CHGA: variants seen among roughly 807,000 people sequenced by gnomAD.
CHGA encodes chromogranin A, also known as chromogranin-A.
A neutral mutation model predicts 54.4 loss-of-function variants in CHGA; 41 were observed. The ratio of observed to expected loss-of-function variants is 0.75; its 90% CI spans 0.59 to 0.98. CHGA has a LOEUF of 0.98. Ranked by LOEUF, CHGA falls within the 50% of genes least tolerant of loss-of-function variation. The pLI, the probability that CHGA is intolerant of heterozygous loss-of-function variation, is 0.00. For missense variants in CHGA, 576 were observed against 582.3 expected (o/e 0.99, Z 0.11); for synonymous variants, 249 against 232.8 (o/e 1.07, Z -0.63).
Position 92,932,355 on chromosome 14 carries a change from C to T in CHGA, c.809-15C>T, listed in dbSNP as rs200580684. 6.4e-6 allele frequency: 10 copies of T among 1,565,794 alleles called. No homozygotes were observed. The highest frequency in any genetic ancestry group is 8.7e-6 in the Non-Finnish European group (10 of 1,155,368). On this transcript the variant is annotated splice_polypyrimidine_tract_variant and intron_variant, in intron 6 of 7. Transcript: ENST00000216492. The surrounding 1 kb of genome is among the most constrained non-coding windows in gnomAD (Gnocchi z 5.3). ...CCCCACCCATTCTCCTGCTCTTGCCCACCACCTGCTCCAGGTCGGTCGGAG... is the reference window on the plus strand; with the variant it reads ...CCCCACCCATTCTCCTGCTCTTGCCTACCACCTGCTCCAGGTCGGTCGGAG...
At chr14:92,925,720 A>C (rs1175559521) in intron 2 of CHGA, among the ~76,000 whole-genome samples, 1 of 151,812 alleles carries the variant, frequency 6.6e-6, no homozygotes, top group Non-Finnish European at 1.5e-5. Context: ...GCGTGCTGAC[A>C]CTCCATGCTT....
In CHGA at chr14:92,932,231, A is replaced by G. The variant is rs1339526945; in HGVS notation, c.809-139A>G. 8.2e-7 allele frequency: 1 copy of G among 1,222,048 alleles called. No homozygotes were observed. The allele number at this position is 1,222,048 out of a possible 1,614,324, so 75.7% of individuals were successfully genotyped here. ...GAGGGTCTTGCAAAGCCTGGCATCA[A>G]GAAGGTTTTTCCCGCTAAGCGTCAT... is the stretch of plus-strand genomic sequence containing the variant. On this transcript the variant is annotated intron_variant, in intron 6 of 7. Coordinates refer to ENST00000216492, the MANE Select transcript of CHGA (RefSeq NM_001275.4). This position sits in a 1 kb window ranked among gnomAD's most constrained non-coding sequence, Gnocchi z 5.3.
chr14:92,927,679 C>T, intron 4 of CHGA, 61 bp downstream of exon 4: 2 of 1,347,896 alleles, frequency 1.5e-6, no homozygotes, highest in South Asian at 2.4e-5. Context: ...GTCAGAAAAT[C>T]TGGTGGAAGA....
In CHGA at chr14:92,935,051, C is replaced by T; in HGVS notation, c.*167C>T. ...CGCCCCCTACGCGCCTTGTCTCCTA[C>T]TCCTGACTCCTACCTGCCCTGGAAC... On this transcript the variant is annotated 3_prime_UTR_variant, in exon 8 of 8. Transcript: ENST00000216492. The T allele has an allele frequency of 1.8e-6, 1 of 555,844 alleles. No individual in the cohort carries two copies. Among genetic ancestry groups the T allele is most frequent in the South Asian group, 2.6e-5 (1 of 38,950 alleles). 34.4% of individuals were successfully genotyped at this position (555,844 alleles called of 1,614,324 possible).
At chr14:92,933,423 C>T (rs1239074584) in intron 7 of CHGA, among the ~76,000 whole-genome samples, 1 of 152,198 alleles carries the variant, frequency 6.6e-6, no homozygotes, top group Non-Finnish European at 1.5e-5. Context: ...GTCTCCTCTG[C>T]CCACGTCATT....
At chr14:92,923,501 T>C (rs1042203726) in intron 1 of CHGA, 96 bp downstream of exon 1, 1 of 1,079,200 alleles carries the variant, frequency 9.3e-7, no homozygotes, top group Non-Finnish European at 1.2e-6. Flanking sequence ...CCCTCCACAC[T>C]TCCCTTCGGG....
Position 92,931,492 on chromosome 14 carries a change from G to A in CHGA, c.598G>A (p.Glu200Lys), listed in dbSNP as rs768439126. ...CCAGAAATACCCAGGCCCACAGGCC[G>A]AGGGGGACAGTGAGGGCCTCTCTCA... ...PSQKYPGPQA[E>K]GDSEGLSQGL... The change falls in exon 6 of 8, where the codon GAG (glutamate) becomes AAG (lysine). Residue 200 changes from glutamate (E) to lysine (K), a missense_variant. Transcript: ENST00000216492. The A allele has an allele frequency of 5.6e-6, 9 of 1,612,194 alleles. No individual in the cohort carries two copies. Among genetic ancestry groups the A allele is most frequent in the African/African-American group, 1.3e-5 (1 of 74,872 alleles).
intron 3 of CHGA, 85 bp from the exon 4 acceptor site, chr14:92,927,465 C>T (rs890046325): frequency 1.6e-5 from 19 of 1,156,450 alleles, no homozygotes; most frequent in Non-Finnish European, 2.3e-5. Context: ...GAGTAAATTC[C>T]TTGTGCTCAG....
Position 92,932,608 on chromosome 14 carries a change from C to T in CHGA, c.1047C>T (p.Ala349=). Residue 349 remains alanine, a synonymous_variant, in exon 7 of 8, where the codon GCC becomes GCT. Coordinates refer to ENST00000216492, the MANE Select transcript of CHGA (RefSeq NM_001275.4). This position sits in a 1 kb window ranked among gnomAD's most constrained non-coding sequence, Gnocchi z 5.3. ...SKRWSKMDQL[A]KELTAEKRLE... is the part of the protein sequence containing the mutation. ...GCTGGAGCAAGATGGACCAGCTGGC[C>T]AAGGAGCTGACGGCTGAGAAGCGGC... is the stretch of plus-strand genomic sequence containing the variant. 2 of 1,581,248 alleles carry T rather than the reference C, an allele frequency of 1.3e-6. No individual in the cohort carries two copies. Among genetic ancestry groups the T allele is most frequent in the Middle Eastern group, 1.7e-4 (1 of 5,888 alleles).
Position 92,932,696 on chromosome 14 carries a change from C to T in CHGA, c.1135C>T (p.Arg379Trp), listed in dbSNP as rs776249486. 9 of 1,610,604 alleles carry T rather than the reference C, an allele frequency of 5.6e-6. No individual in the cohort carries two copies. The highest frequency in any genetic ancestry group is 4.5e-5 in the East Asian group (2 of 44,834). Residue 379 changes from arginine (R) to tryptophan (W), a missense_variant, in exon 7 of 8, where the codon CGG becomes TGG. Coordinates refer to ENST00000216492, the MANE Select transcript of CHGA (RefSeq NM_001275.4). The surrounding 1 kb of genome is among the most constrained non-coding windows in gnomAD (Gnocchi z 5.3). ...DSSMKLSFRARAYGFRGPGPQ... is the reference protein window; with the variant it reads ...DSSMKLSFRAWAYGFRGPGPQ... ...TTCCATGAAGCTCTCCTTCCGGGCCCGGGCCTACGGCTTCAGGGGCCCTGG... is the reference window on the plus strand; with the variant it reads ...TTCCATGAAGCTCTCCTTCCGGGCCTGGGCCTACGGCTTCAGGGGCCCTGG...
Position 92,933,031 on chromosome 14 carries a change from C to G in CHGA, c.1290+180C>G, listed in dbSNP as rs1595062914. 11 of 922,938 alleles carry G rather than the reference C, an allele frequency of 1.2e-5. No individual in the cohort carries two copies. The East Asian group carries it at 3.1e-4, about 26-fold the overall frequency. 57.2% of individuals were successfully genotyped at this position (922,938 alleles called of 1,614,324 possible). A position where few individuals can be genotyped will look rare whatever the true frequency, so the allele number is the denominator to read the frequency against. ...GGAGAACACCCCAGCTCACAGGGGG[C>G]ACCCAGCAAAGCTGGCTGGGAGATG... On this transcript the variant is annotated intron_variant, in intron 7 of 7. Transcript: ENST00000216492.
Position 92,932,795 on chromosome 14 carries a change from C to A in CHGA, c.1234C>A (p.Arg412=). ...TGAGGCGGGCCTGCCCCTCCAGGTC[C>A]GAGGCTACCCCGAGGAGAAGAAAGA... ...SLEAGLPLQV[R]GYPEEKKEEE... The change falls in exon 7 of 8, where the codon CGA becomes AGA. Residue 412 remains arginine, a synonymous_variant. Transcript: ENST00000216492. The surrounding 1 kb of genome is among the most constrained non-coding windows in gnomAD (Gnocchi z 5.3). 1 of 1,568,492 alleles carries A rather than the reference C, an allele frequency of 6.4e-7. No homozygotes were observed. Among genetic ancestry groups the A allele is most frequent in the Non-Finnish European group, 8.6e-7 (1 of 1,156,438 alleles).
chr14:92,923,899 C>T (rs1273573613), intron 1 of CHGA, among the ~76,000 whole-genome samples: 2 of 152,238 alleles, frequency 1.3e-5, no homozygotes, highest in East Asian at 1.9e-4. Context: ...TGTCTCCCAC[C>T]CGTCCCACTG....
At position 92,931,501 on chromosome 14, in the gene CHGA, A is replaced by C; in HGVS notation, c.607A>C (p.Ser203Arg). The change falls in exon 6 of 8, where the codon AGT (serine) becomes CGT (arginine). Residue 203 changes from serine to arginine, a missense_variant. Ser to Arg is a moderately radical substitution (Grantham distance 110). Transcript: ENST00000216492. Reference protein sequence around the residue: ...KYPGPQAEGDSEGLSQGLVDR... With the variant: ...KYPGPQAEGDREGLSQGLVDR... ...CCCAGGCCCACAGGCCGAGGGGGAC[A>C]GTGAGGGCCTCTCTCAGGGTCTGGT... The C allele has an allele frequency of 3.1e-6, 5 of 1,612,472 alleles. No individual in the cohort carries two copies. The highest frequency in any genetic ancestry group is 4.2e-6 in the Non-Finnish European group (5 of 1,179,672).
chr14:92,926,839 G>A (rs569797924), intron 3 of CHGA, 141 bp downstream of exon 3: 9 of 723,706 alleles, frequency 1.2e-5, no homozygotes, highest in Admixed American at 2.1e-5. Flanking sequence ...CACTGCACCA[G>A]GGTCCAAGGT....
In CHGA at chr14:92,927,580, A is replaced by G. The variant is rs767402828; in HGVS notation, c.218A>G (p.Gln73Arg). The G allele has an allele frequency of 6.2e-7, 1 of 1,613,914 alleles. No individual in the cohort carries two copies. Among genetic ancestry groups the G allele is most frequent in the South Asian group, 1.1e-5 (1 of 91,030 alleles). The change falls in exon 4 of 8, where the codon CAG becomes CGG. Residue 73 changes from glutamine (Q) to arginine (R), a missense_variant. By Grantham distance (43) the Gln-to-Arg change is conservative. Coordinates refer to ENST00000216492, the MANE Select transcript of CHGA (RefSeq NM_001275.4). ...CGGATCCTTTCCATTCTGAGACATC[A>G]GAATTTACTGAAGGAGCTCCAAGAC... ...DERILSILRH[Q>R]NLLKELQDLA...
chr14:92,931,100 C>A, intron 5 of CHGA, 150 bp from the exon 6 acceptor site: 2 of 703,120 alleles, frequency 2.8e-6, no homozygotes, highest in Non-Finnish European at 4.7e-6. Flanking sequence ...CAAGCCTGGA[C>A]ATGGACAGAG....
At chr14:92,933,404 G>A (rs1887054084) in intron 7 of CHGA, 1 of 152,748 alleles carries the variant, frequency 6.5e-6, no homozygotes, top group African/African-American at 2.4e-5. Flanking sequence ...TATGAAGTAG[G>A]GGTAAGGAGT....
chr14:92,932,406 A>G lies in CHGA; in HGVS notation c.845A>G (p.Lys282Arg), dbSNP rs1476578103. The change falls in exon 7 of 8, where the codon AAG (lysine) becomes AGG (arginine). Residue 282 changes from lysine (K) to arginine (R), a missense_variant. Coordinates refer to ENST00000216492, the MANE Select transcript of CHGA (RefSeq NM_001275.4). This position sits in a 1 kb window ranked among gnomAD's most constrained non-coding sequence, Gnocchi z 5.3. ...GCTCTGGCTGTGGATGGAGCTGGGA[A>G]GCCTGGGGCTGAGGAGGCTCAGGAC... ...SEALAVDGAG[K>R]PGAEEAQDPE... is the part of the protein sequence containing the mutation. The G allele has an allele frequency of 6.3e-7, 1 of 1,580,090 alleles. No individual in the cohort carries two copies. Among genetic ancestry groups the G allele is most frequent in the East Asian group, 2.3e-5 (1 of 43,808 alleles).
Sources: allele counts gnomAD v4.1 joint callset (sites outside exome capture counted in the v4.1 genomes callset), GRCh38; gene constraint gnomAD v4.1.1; non-coding constraint Gnocchi (gnomAD v3.1); transcripts MANE v1.5; gene names NCBI Gene and HGNC (gene_info 2026-07-23, HGNC 2026-07-21).